Variants in GALNT13 observed in about 807,000 individuals in gnomAD.
GALNT13 encodes UDP-GalNAc:polypeptide N-acetylgalactosaminyltransferase 13.
GALNT13 carries 28 observed loss-of-function variants against 64.2 expected under a neutral mutation model. The ratio of observed to expected loss-of-function variants is 0.44; its 90% CI spans 0.32 to 0.60. GALNT13 has a LOEUF of 0.60. GALNT13 is among the 20% of genes least tolerant of loss of function. The pLI, the probability that GALNT13 is intolerant of heterozygous loss-of-function variation, is 0.05. For missense variants in GALNT13, 577 were observed against 669.8 expected (o/e 0.86, Z 1.53); for synonymous variants, 214 against 224.6 (o/e 0.95, Z 0.42).
chr2:153,973,878 G>T (rs915761561), intron 3 of GALNT13, among the ~76,000 whole-genome samples: 8 of 152,010 alleles, frequency 5.3e-5, no homozygotes, highest in Non-Finnish European at 8.8e-5. Flanking sequence ...GTGAAATACA[G>T]TGTCTGGTAG....
the GALNT13 span, among the ~76,000 whole-genome samples, chr2:153,138,411 C>T: frequency 5.9e-5 from 9 of 152,056 alleles, no homozygotes; most frequent in Non-Finnish European, 8.8e-5. Context: ...GTGGGGGAAA[C>T]GACCCTATAA....
chr2:153,259,641 C>T, the GALNT13 span, among the ~76,000 whole-genome samples: 6 of 152,048 alleles, frequency 3.9e-5, no homozygotes, highest in Non-Finnish European at 8.8e-5. Flanking sequence ...AAATGCAGTT[C>T]CCCTGCACAC....
chr2:153,918,388 G>A (rs1002532758), intron 2 of GALNT13, among the ~76,000 whole-genome samples: 1 of 152,094 alleles, frequency 6.6e-6, no homozygotes, highest in African/African-American at 2.4e-5. Flanking sequence ...ACTCTGCAAA[G>A]CAACTCTTAA....
At chr2:153,478,103 C>G in the GALNT13 span, 49 of 643,340 alleles carry the variant, frequency 7.6e-5, no homozygotes, top group East Asian at 9.5e-5. Flanking sequence ...TCGCTTCTTT[C>G]CGAAAGGCCG....
the GALNT13 span, among the ~76,000 whole-genome samples, chr2:153,269,869 A>G: frequency 6.6e-6 from 1 of 152,090 alleles, no homozygotes; most frequent in African/African-American, 2.4e-5. Flanking sequence ...AAACCATCAG[A>G]TCTCTTGAGA....
the GALNT13 span, among the ~76,000 whole-genome samples, chr2:153,751,348 TC>T: frequency 6.6e-6 from 1 of 151,764 alleles, no homozygotes; most frequent in Non-Finnish European, 1.5e-5. Flanking sequence ...GCAGTTTAAG[TC>T]TCATGTTTTG....
the GALNT13 span, among the ~76,000 whole-genome samples, chr2:153,279,652 G>C: frequency 1.3e-4 from 20 of 152,044 alleles, no homozygotes; most frequent in African/African-American, 4.6e-4. Context: ...TTTATGTGAT[G>C]AATTTTATTT....
At chr2:153,199,552 T>C in the GALNT13 span, among the ~76,000 whole-genome samples, 858 of 152,322 alleles carry the variant, frequency 5.6e-3, 7 homozygotes, top group African/African-American at 0.019. Flanking sequence ...CTGTTCTTCT[T>C]GCTCTACTCC....
At chr2:153,789,953 C>T in the GALNT13 span, among the ~76,000 whole-genome samples, 1 of 151,964 alleles carries the variant, frequency 6.6e-6, no homozygotes, top group Non-Finnish European at 1.5e-5. Flanking sequence ...GTCTGCCAAG[C>T]AACAAAAGGC....
the GALNT13 span, among the ~76,000 whole-genome samples, chr2:153,562,137 G>A: frequency 1.3e-5 from 2 of 148,304 alleles, no homozygotes; most frequent in East Asian, 4.0e-4. Context: ...CTGTGGGGAG[G>A]CATATAAATA....
the GALNT13 span, among the ~76,000 whole-genome samples, chr2:153,712,013 C>A: frequency 6.6e-6 from 1 of 152,242 alleles, no homozygotes; most frequent in East Asian, 1.9e-4. Flanking sequence ...TCTTTTGACA[C>A]AACCTGAAAT....
At chr2:153,751,885 G>A in the GALNT13 span, among the ~76,000 whole-genome samples, 5 of 148,290 alleles carry the variant, frequency 3.4e-5, no homozygotes, top group African/African-American at 7.5e-5. Flanking sequence ...TTTGTTTTCC[G>A]GTTGACATGT....
At chr2:154,215,296 T>A (rs1046455061) in intron 4 of GALNT13, among the ~76,000 whole-genome samples, 1 of 152,182 alleles carries the variant, frequency 6.6e-6, no homozygotes, top group Non-Finnish European at 1.5e-5. Flanking sequence ...ATGTTGACCT[T>A]CCAATCTAGT....
intron 8 of GALNT13, among the ~76,000 whole-genome samples, chr2:154,290,220 T>TTCA (rs1692522449): frequency 6.6e-6 from 1 of 152,192 alleles, no homozygotes; most frequent in South Asian, 2.1e-4. Flanking sequence ...AGGGGAAGAA[T>TTCA]GTAGTCCAGA....
At chr2:153,178,632 A>T in the GALNT13 span, among the ~76,000 whole-genome samples, 4 of 151,956 alleles carry the variant, frequency 2.6e-5, no homozygotes, top group Non-Finnish European at 5.9e-5. Flanking sequence ...GTATGGCTTG[A>T]AAACATTTTA....
chr2:153,277,725 A>G, the GALNT13 span, among the ~76,000 whole-genome samples: 1 of 151,686 alleles, frequency 6.6e-6, no homozygotes, highest in African/African-American at 2.4e-5. Flanking sequence ...TTGCTTTTTC[A>G]GTTTTTAATA....
the GALNT13 span, among the ~76,000 whole-genome samples, chr2:153,406,442 C>G: frequency 1.3e-5 from 2 of 152,022 alleles, no homozygotes; most frequent in African/African-American, 4.8e-5. Flanking sequence ...GAGTCTCACT[C>G]TGTTGCCCAA....
the GALNT13 span, among the ~76,000 whole-genome samples, chr2:153,613,430 T>C: frequency 6.6e-6 from 1 of 152,134 alleles, no homozygotes; most frequent in Admixed American, 6.6e-5. Flanking sequence ...GAATTTGTCT[T>C]TCTGTCAGAT....
chr2:154,041,515 CTG>C lies in GALNT13; in HGVS notation c.142+96878_142+96879del, dbSNP rs144184081. ...ATCAATCAAAACCAACGTAAACACA[CTG>C]TTAAATTCACACACAAGAAAAGAGG... is the stretch of plus-strand genomic sequence containing the variant. On this transcript the variant is annotated intron_variant, in intron 3 of 12. Coordinates refer to ENST00000392825, the MANE Select transcript of GALNT13 (RefSeq NM_052917.4). 6.1e-3 allele frequency among the ~76,000 whole-genome samples: 850 copies of C among 140,402 alleles called. 49 individuals are homozygous for C. The highest frequency in any genetic ancestry group is 0.019 in the African/African-American group (777 of 40,940). 92.1% of individuals were successfully genotyped at this position (140,402 alleles called of 152,430 possible).
Sources: gnomAD v4.1 joint callset for allele counts (sites outside exome capture counted in the v4.1 genomes callset) on GRCh38, gnomAD v4.1.1 for gene constraint, MANE v1.5 for transcripts, NCBI Gene and HGNC (gene_info 2026-07-23, HGNC 2026-07-21) for gene names.